LIMK2: variants seen among roughly 807,000 people sequenced by gnomAD.
The protein encoded by LIMK2 is LIM domain kinase 2.
In LIMK2, 35 loss-of-function variants were observed where a neutral mutation model predicts 75.7. The ratio of observed to expected loss-of-function variants is 0.46; its 90% CI spans 0.35 to 0.61. LIMK2 has a LOEUF of 0.61. LIMK2 is among the 20% of genes least tolerant of loss of function. The pLI, the probability that LIMK2 is intolerant of heterozygous loss-of-function variation, is 0.00. For missense variants in LIMK2, 623 were observed against 831.0 expected (o/e 0.75, Z 3.08); for synonymous variants, 301 against 319.2 (o/e 0.94, Z 0.61).
chr22:31,262,210 A>AC lies in LIMK2; in HGVS notation c.633dup (p.Val212ArgfsTer14). 6.2e-7 allele frequency: 1 copy of AC among 1,613,810 alleles called. No homozygotes were observed. Among genetic ancestry groups the AC allele is most frequent in the South Asian group, 1.1e-5 (1 of 91,070 alleles). On this transcript the variant is annotated frameshift_variant, in exon 6 of 16. Coordinates refer to ENST00000331728, the MANE Select transcript of LIMK2 (RefSeq NM_005569.4). LOFTEE classifies it high-confidence loss of function. This position sits in a 1 kb window ranked among gnomAD's most constrained non-coding sequence, Gnocchi z 5.0. ...GGACCGCATCCTGGAGATCAATGGG[A>AC]CCCCCGTCCGCACACTTCGAGTGGA...
At chr22:31,270,992 G>A in intron 11 of LIMK2, 144 bp from the exon 12 acceptor site, 1 of 692,084 alleles carries the variant, frequency 1.4e-6, no homozygotes, top group South Asian at 1.6e-5. Context: ...AGAGGCCATA[G>A]GAGGCCCTGG....
intron 2 of LIMK2, among the ~76,000 whole-genome samples, chr22:31,245,543 C>G (rs765717179): frequency 2.6e-5 from 4 of 152,134 alleles, no homozygotes; most frequent in Non-Finnish European, 4.4e-5. Flanking sequence ...CTCAGGTGAT[C>G]TGCCCGCCTC....
At chr22:31,224,873 C>T (rs866653221) in intron 1 of LIMK2, among the ~76,000 whole-genome samples, 1 of 152,202 alleles carries the variant, frequency 6.6e-6, no homozygotes, top group African/African-American at 2.4e-5. Context: ...GCCCCTGGAC[C>T]GCCAACTGGT....
At chr22:31,253,283 C>T (rs1419226935) in intron 2 of LIMK2, among the ~76,000 whole-genome samples, 3 of 152,218 alleles carry the variant, frequency 2.0e-5, no homozygotes, top group Non-Finnish European at 4.4e-5. Context: ...TTGACTTTCA[C>T]TTGAAACTTC....
At chr22:31,227,987 C>T (rs991093671) in intron 2 of LIMK2, among the ~76,000 whole-genome samples, 1 of 151,728 alleles carries the variant, frequency 6.6e-6, no homozygotes, top group Admixed American at 6.6e-5. Context: ...ATTTGTAGGT[C>T]TAGTCAGATG....
intron 7 of LIMK2, among the ~76,000 whole-genome samples, chr22:31,265,051 G>A (rs920738050): frequency 1.7e-4 from 26 of 151,734 alleles, no homozygotes; most frequent in African/African-American, 6.1e-4. Context: ...AAAATTATTC[G>A]GTTGTGGTGG....
At chr22:31,274,123 T>C (rs960287692) in intron 14 of LIMK2, among the ~76,000 whole-genome samples, 9 of 151,732 alleles carry the variant, frequency 5.9e-5, no homozygotes, top group African/African-American at 1.9e-4. Context: ...AGACTGTTCA[T>C]GTGGCTGTCT....
chr22:31,265,050 C>T (rs1403836596), intron 7 of LIMK2, among the ~76,000 whole-genome samples: 1 of 151,954 alleles, frequency 6.6e-6, no homozygotes, highest in Non-Finnish European at 1.5e-5. Flanking sequence ...AAAAATTATT[C>T]GGTTGTGGTG....
chr22:31,240,121 T>C (rs1377640739), intron 2 of LIMK2, among the ~76,000 whole-genome samples: 1 of 152,208 alleles, frequency 6.6e-6, no homozygotes, highest in African/African-American at 2.4e-5. Flanking sequence ...GTGCTGGAAG[T>C]GTGCTAACAA....
rs148230704 is a variant in LIMK2, at chr22:31,272,406, C to G, written c.1384-124C>G. The G allele has an allele frequency of 5.2e-4, 469 of 902,284 alleles. 9 individuals are homozygous for G. In the South Asian group the frequency reaches 8.3e-3, roughly 16 times the overall value. The allele number at this position is 902,284 out of a possible 1,614,324, so 55.9% of individuals were successfully genotyped here. On this transcript the variant is annotated intron_variant, in intron 12 of 15. Coordinates refer to ENST00000331728, the MANE Select transcript of LIMK2 (RefSeq NM_005569.4). ...TGTCTATTTGATAGAGCTTTCTGCT[C>G]TGATTCTCCCTTGCTATACACCTTT... is the stretch of plus-strand genomic sequence containing the variant.
chr22:31,254,900 A>C (rs938952920), intron 2 of LIMK2, among the ~76,000 whole-genome samples: 5 of 152,098 alleles, frequency 3.3e-5, no homozygotes, highest in South Asian at 2.1e-4. Flanking sequence ...CAGAGGTTGC[A>C]GTGAGCCGAG....
intron 15 of LIMK2, 69 bp from the exon 16 acceptor site, chr22:31,278,228 A>C (rs2049051491): frequency 7.1e-7 from 1 of 1,401,744 alleles, no homozygotes; most frequent in Non-Finnish European, 9.8e-7. Context: ...CTGAGCCTAG[A>C]TCCCTTCCAC....
chr22:31,247,313 G>A (rs1228058823), intron 2 of LIMK2, among the ~76,000 whole-genome samples: 2 of 152,184 alleles, frequency 1.3e-5, no homozygotes, highest in African/African-American at 4.8e-5. Flanking sequence ...TTTGGTCATC[G>A]TCACAACTGG....
chr22:31,218,177 G>A (rs1200418703), intron 1 of LIMK2, among the ~76,000 whole-genome samples: 1 of 152,136 alleles, frequency 6.6e-6, no homozygotes, highest in Non-Finnish European at 1.5e-5. Flanking sequence ...AATCCACTTG[G>A]TAATCCTGTA....
At chr22:31,254,809 A>T (rs933654313) in intron 2 of LIMK2, among the ~76,000 whole-genome samples, 2 of 152,144 alleles carry the variant, frequency 1.3e-5, no homozygotes, top group Admixed American at 6.5e-5. Context: ...AAATAGAAAA[A>T]TTAGCCGGGT....
chr22:31,277,059 C>A (rs756432124), intron 15 of LIMK2: 23 of 1,613,832 alleles, frequency 1.4e-5, no homozygotes, highest in African/African-American at 5.3e-5. Context: ...TTGACTGTTA[C>A]AAACCCACAG....
intron 2 of LIMK2, among the ~76,000 whole-genome samples, chr22:31,228,598 A>T (rs1420989850): frequency 6.6e-6 from 1 of 152,170 alleles, no homozygotes; most frequent in Non-Finnish European, 1.5e-5. Context: ...TAAATGTGAT[A>T]ACCTATATAA....
At chr22:31,265,396 G>A (rs2048884421) in intron 7 of LIMK2, among the ~76,000 whole-genome samples, 1 of 151,218 alleles carries the variant, frequency 6.6e-6, no homozygotes, top group Non-Finnish European at 1.5e-5. Flanking sequence ...TAACTAGCCG[G>A]GCCTGGTGGC....
rs529919320 is a variant in LIMK2 at position 31,257,040 on chromosome 22, ATTTTTT to A, written c.117-1222_117-1217del. Among the ~76,000 whole-genome samples, 337 of 74,890 alleles carry A rather than the reference ATTTTTT, an allele frequency of 4.5e-3. 1 individual carries two copies. The highest frequency in any genetic ancestry group is 8.6e-3 in the African/African-American group (233 of 27,004). 49.1% of individuals were successfully genotyped at this position (74,890 alleles called of 152,430 possible). ...TCATTAGGGGAGAAGGGAGCTATAG[ATTTTTT>A]TTTTTTTTTTTTTTTTTTTTTTTTT... On this transcript the variant is annotated intron_variant, in intron 2 of 15. Coordinates refer to ENST00000331728, the MANE Select transcript of LIMK2 (RefSeq NM_005569.4).
Sources: allele counts gnomAD v4.1 joint callset (sites outside exome capture counted in the v4.1 genomes callset), GRCh38; gene constraint gnomAD v4.1.1; non-coding constraint Gnocchi (gnomAD v3.1); transcripts MANE v1.5; gene names NCBI Gene and HGNC (gene_info 2026-07-23, HGNC 2026-07-21).